Variants in CTNNBL1 observed in about 807,000 individuals in gnomAD.
CTNNBL1 encodes the protein catenin beta like 1, also known as beta-catenin-like protein 1.
In CTNNBL1, 31 loss-of-function variants were observed where a neutral mutation model predicts 72.7. The observed-to-expected ratio is 0.43, with a 90% CI of 0.32 to 0.58. The LOEUF (loss-of-function observed/expected upper bound fraction) is 0.58. CTNNBL1 is among the 20% of genes least tolerant of loss of function. CTNNBL1 has a pLI of 0.08. For missense variants in CTNNBL1, 534 were observed against 725.1 expected (o/e 0.74, Z 3.03); for synonymous variants, 240 against 267.3 (o/e 0.90, Z 1.00).
chr20:37,774,087 A>T (rs1186671458), intron 7 of CTNNBL1, among the ~76,000 whole-genome samples: 1 of 151,180 alleles, frequency 6.6e-6, no homozygotes, highest in African/African-American at 2.4e-5. Flanking sequence ...TAATGTTTGT[A>T]GTTTTTTGTA....
chr20:37,859,254 G>A (rs1252891798), intron 13 of CTNNBL1, among the ~76,000 whole-genome samples: 1 of 151,956 alleles, frequency 6.6e-6, no homozygotes. Context: ...CTACTCAGGA[G>A]GCTGAGGCAG....
chr20:37,728,326 G>T (rs1313934062), intron 1 of CTNNBL1, among the ~76,000 whole-genome samples: 1 of 152,162 alleles, frequency 6.6e-6, no homozygotes, highest in East Asian at 1.9e-4. Flanking sequence ...GGGTATGTTA[G>T]ATTAAATAAA....
chr20:37,743,172 G>A (rs1213674112), intron 3 of CTNNBL1, among the ~76,000 whole-genome samples: 1 of 146,416 alleles, frequency 6.8e-6, no homozygotes, highest in Non-Finnish European at 1.5e-5. Flanking sequence ...TTACTGTTTA[G>A]TGCCCAGTCT....
intron 1 of CTNNBL1, among the ~76,000 whole-genome samples, chr20:37,701,939 C>T (rs1221595943): frequency 6.6e-6 from 1 of 151,774 alleles, no homozygotes; most frequent in Non-Finnish European, 1.5e-5. Context: ...GTACGCTCAT[C>T]TCAGCTGCAG....
intron 3 of CTNNBL1, among the ~76,000 whole-genome samples, chr20:37,745,564 T>C (rs1295293481): frequency 6.6e-6 from 1 of 152,164 alleles, no homozygotes; most frequent in Non-Finnish European, 1.5e-5. Context: ...CAGATAACCT[T>C]ATTGTCCCTA....
At chr20:37,813,989 T>C (rs2072033584) in intron 11 of CTNNBL1, among the ~76,000 whole-genome samples, 1 of 152,220 alleles carries the variant, frequency 6.6e-6, no homozygotes, top group Non-Finnish European at 1.5e-5. Flanking sequence ...GGCTTTTAAA[T>C]ATATTAGCTC....
chr20:37,791,639 A>G (rs2073726780), intron 10 of CTNNBL1, among the ~76,000 whole-genome samples: 1 of 152,192 alleles, frequency 6.6e-6, no homozygotes, highest in Non-Finnish European at 1.5e-5. Flanking sequence ...AATGCACAGC[A>G]GAAGGTGAGC....
chr20:37,720,488 T>G (rs2073030730), intron 1 of CTNNBL1, among the ~76,000 whole-genome samples: 1 of 152,170 alleles, frequency 6.6e-6, no homozygotes, highest in African/African-American at 2.4e-5. Context: ...TTCGACAGGA[T>G]GAATTAAATA....
Position 37,768,018 on chromosome 20 carries a change from C to G in CTNNBL1, c.724C>G (p.Leu242Val), listed in dbSNP as rs140243689. Residue 242 changes from leucine (L) to valine (V), a missense_variant, in exon 7 of 16, where the codon CTA becomes GTA. Transcript: ENST00000361383. ...MCTEGAQQGLLQWLLKRLKAK... is the reference protein window; with the variant it reads ...MCTEGAQQGLVQWLLKRLKAK... The stretch of plus-strand genomic sequence containing the variant: ...TACAGAGGGTGCCCAGCAGGGTCTT[C>G]TACAGTGGCTGTTGAAGAGGCTGAA... The G allele has an allele frequency of 7.4e-6, 12 of 1,613,972 alleles. No homozygotes were observed. The highest frequency in any genetic ancestry group is 1.0e-5 in the Non-Finnish European group (12 of 1,179,950).
At chr20:37,764,234 C>T (rs1193392122) in intron 5 of CTNNBL1, among the ~76,000 whole-genome samples, 6 of 152,134 alleles carry the variant, frequency 3.9e-5, no homozygotes, top group East Asian at 1.9e-4. Context: ...TGCAGCAGAC[C>T]GTGTCTTCAG....
Position 37,792,244 on chromosome 20 carries a change from T to G in CTNNBL1, c.1032-10623T>G, listed in dbSNP as rs191292949. Among the ~76,000 whole-genome samples, 81 of 152,280 alleles carry G rather than the reference T, an allele frequency of 5.3e-4. 1 individual carries two copies. The East Asian group carries it at 0.011, about 21-fold the overall frequency. ...GTTTTATTGATCTCAAAATATCAGT[T>G]TTTGTTTTCATTGTTTTTCTGTTTC... On this transcript the variant is annotated intron_variant, in intron 10 of 15. Transcript: ENST00000361383.
intron 5 of CTNNBL1, among the ~76,000 whole-genome samples, chr20:37,761,265 G>A (rs2073415230): frequency 6.6e-6 from 1 of 152,186 alleles, no homozygotes; most frequent in African/African-American, 2.4e-5. Flanking sequence ...TTATAGAAAC[G>A]CTTTATAGAG....
In CTNNBL1 at chr20:37,694,164, A is replaced by T; in HGVS notation, c.30+12A>T. ...TTCTGAGCTACCAGGTATGAGGGGC[A>T]GGGAGGGCCGAGCGACCGCGTTCTC... On this transcript the variant is annotated intron_variant, in intron 1 of 15. Coordinates refer to ENST00000361383, the MANE Select transcript of CTNNBL1 (RefSeq NM_030877.5). 1 of 1,587,342 alleles carries T rather than the reference A, an allele frequency of 6.3e-7. No individual in the cohort carries two copies. The highest frequency in any genetic ancestry group is 8.5e-7 in the Non-Finnish European group (1 of 1,169,810).
intron 11 of CTNNBL1, among the ~76,000 whole-genome samples, chr20:37,815,103 G>GTGTA (rs1279692114): frequency 1.1e-4 from 16 of 151,784 alleles, no homozygotes; most frequent in Non-Finnish European, 1.9e-4. Context: ...GTGTGTGTGT[G>GTGTA]TGTAATTTTG....
intron 13 of CTNNBL1, among the ~76,000 whole-genome samples, chr20:37,847,175 G>T (rs1171173308): frequency 1.3e-5 from 2 of 152,278 alleles, no homozygotes; most frequent in East Asian, 3.9e-4. Context: ...TGTGGATTCT[G>T]TGGCATAACT....
At chr20:37,763,210 C>T (rs375233733) in intron 5 of CTNNBL1, among the ~76,000 whole-genome samples, 13 of 152,172 alleles carry the variant, frequency 8.5e-5, no homozygotes, top group Middle Eastern at 3.4e-3. Context: ...TTCATATTTT[C>T]CCCCCAGATG....
chr20:37,694,399 A>T (rs1487014977), intron 1 of CTNNBL1, among the ~76,000 whole-genome samples: 1 of 151,400 alleles, frequency 6.6e-6, no homozygotes, highest in African/African-American at 2.4e-5. Flanking sequence ...GTTCCCTGAA[A>T]CTCCTCTGAA....
At chr20:37,702,840 G>A (rs909282920) in intron 1 of CTNNBL1, among the ~76,000 whole-genome samples, 1 of 152,170 alleles carries the variant, frequency 6.6e-6, no homozygotes, top group African/African-American at 2.4e-5. Context: ...CTCAACTGTA[G>A]TTAATGTCTA....
At chr20:37,807,808 A>G (rs1600500710) in intron 11 of CTNNBL1, among the ~76,000 whole-genome samples, 1 of 152,204 alleles carries the variant, frequency 6.6e-6, no homozygotes, top group Non-Finnish European at 1.5e-5. Flanking sequence ...TGGGTGCACT[A>G]GCATGATTGG....
Sources: gnomAD v4.1 joint callset for allele counts (sites outside exome capture counted in the v4.1 genomes callset) on GRCh38, gnomAD v4.1.1 for gene constraint, MANE v1.5 for transcripts, NCBI Gene and HGNC (gene_info 2026-07-23, HGNC 2026-07-21) for gene names.